Variants in SCN2B observed in about 807,000 individuals in gnomAD.
SCN2B encodes sodium channel regulatory subunit beta-2.
In SCN2B, 14 loss-of-function variants were observed where a neutral mutation model predicts 18.2. That is an observed-to-expected ratio of 0.77 (90% CI 0.51 to 1.21). The LOEUF (loss-of-function observed/expected upper bound fraction) is 1.21. Ranked by LOEUF, SCN2B falls within the 50% of genes most tolerant of loss-of-function variation. SCN2B has a pLI of 0.00. For synonymous variants in SCN2B, 115 were observed against 115.3 expected, an observed-to-expected ratio of 1.00 and a Z score of 0.02; for missense variants, 262 against 286.9, an observed-to-expected ratio of 0.91 and a Z score of 0.63.
At chr11:118,167,377 GA>G (rs1279709986) in intron 3 of SCN2B, among the ~76,000 whole-genome samples, 5 of 152,176 alleles carry the variant, frequency 3.3e-5, no homozygotes, top group African/African-American at 1.2e-4. Flanking sequence ...CGAATTGCGT[GA>G]CCTTAAGTAA....
In SCN2B at chr11:118,176,544, C is replaced by A; in HGVS notation, c.-113G>T. ...TAAAAAAAAATGCACGGATGTACTT[C>A]AAAGACATATACAACATTAAGGAAG... On this transcript the variant is annotated 5_prime_UTR_variant, in exon 1 of 4. Coordinates refer to ENST00000278947, the MANE Select transcript of SCN2B (RefSeq NM_004588.5). The A allele has an allele frequency of 1.3e-6, 1 of 774,830 alleles. No individual in the cohort carries two copies. The highest frequency in any genetic ancestry group is 2.3e-6 in the Non-Finnish European group (1 of 430,924). The allele number at this position is 774,830 out of a possible 1,614,324, so 48.0% of individuals were successfully genotyped here.
At chr11:118,170,879 G>C (rs943880371) in intron 1 of SCN2B, among the ~76,000 whole-genome samples, 1 of 152,220 alleles carries the variant, frequency 6.6e-6, no homozygotes, top group Admixed American at 6.5e-5. Context: ...CCTGGCCTGA[G>C]GGCACCTTGG....
intron 1 of SCN2B, among the ~76,000 whole-genome samples, chr11:118,173,075 G>A (rs536806310): frequency 8.6e-5 from 13 of 152,000 alleles, no homozygotes; most frequent in African/African-American, 2.9e-4. Flanking sequence ...GCAGCCAGGA[G>A]CAACCCACCC....
rs2135516231 is a variant in SCN2B at position 118,164,747 on chromosome 11, T to C, written c.*2140A>G. ...ACAGTGCCAACCTGGCAGTCCCCAG[T>C]GCTTATGGCTTTGTGTATATCCCCA... On this transcript the variant is annotated 3_prime_UTR_variant, in exon 4 of 4. Coordinates refer to ENST00000278947, the MANE Select transcript of SCN2B (RefSeq NM_004588.5). 1 of 152,832 alleles carries C rather than the reference T, an allele frequency of 6.5e-6. No individual in the cohort carries two copies. Among genetic ancestry groups the C allele is most frequent in the Middle Eastern group, 3.4e-3 (1 of 294 alleles). The allele number at this position is 152,832 out of a possible 1,614,324, so 9.5% of individuals were successfully genotyped here.
In SCN2B at chr11:118,168,748, G is replaced by C. The variant is rs1221815759; in HGVS notation, c.74C>G (p.Pro25Arg). 6.2e-7 allele frequency: 1 copy of C among 1,614,184 alleles called. No individual in the cohort carries two copies. The highest frequency in any genetic ancestry group is 1.1e-5 in the South Asian group (1 of 91,084). The change falls in exon 2 of 4, where the codon CCA becomes CGA. Residue 25 changes from proline to arginine, a missense_variant. Coordinates refer to ENST00000278947, the MANE Select transcript of SCN2B (RefSeq NM_004588.5). The surrounding 1 kb of genome is among the most constrained non-coding windows in gnomAD (Gnocchi z 4.7). The stretch of plus-strand genomic sequence containing the variant: ...TGTGACCTCCATGCTCCGTCCTGGT[G>C]GCACTGCAGATGAAGCCACAAGCTG... ...TGLSLFFSLV[P>R]PGRSMEVTVP...
Position 118,168,390 on chromosome 11 carries a change from G to T in SCN2B, c.238-95C>A. On this transcript the variant is annotated intron_variant, in intron 2 of 3. Coordinates refer to ENST00000278947, the MANE Select transcript of SCN2B (RefSeq NM_004588.5). The surrounding 1 kb of genome is among the most constrained non-coding windows in gnomAD (Gnocchi z 4.7). ...CCCTCTTCCCATCCACCCTTTTCCT[G>T]GGGAAGAGAGGCAGTTACCTCTGTG... is the stretch of plus-strand genomic sequence containing the variant. 7.6e-7 allele frequency: 1 copy of T among 1,322,958 alleles called. No homozygotes were observed. Among genetic ancestry groups the T allele is most frequent in the Non-Finnish European group, 1.1e-6 (1 of 917,766 alleles). The allele number at this position is 1,322,958 out of a possible 1,614,324, so 82.0% of individuals were successfully genotyped here. A position where few individuals can be genotyped will look rare whatever the true frequency, so the allele number is the denominator to read the frequency against.
Position 118,176,505 on chromosome 11 carries a change from G to GGATGCTAC in SCN2B, c.-75_-74insGTAGCATC. On this transcript the variant is annotated 5_prime_UTR_variant, in exon 1 of 4. An upstream open reading frame in the 5' UTR gains an earlier in-frame stop. Transcript: ENST00000278947. Reference sequence around the variant, plus strand: ...TGAGGGGGCGAGAACTACAAGGGAGGAATGGTTGGATGCTAAAAAAAAATG... The same window carrying GGATGCTAC: ...TGAGGGGGCGAGAACTACAAGGGAGGGATGCTACAATGGTTGGATGCTAAAAAAAAATG... 2 of 1,087,322 alleles carry GGATGCTAC rather than the reference G, an allele frequency of 1.8e-6. No homozygotes were observed. Among genetic ancestry groups the GGATGCTAC allele is most frequent in the South Asian group, 2.5e-5 (2 of 80,266 alleles). 67.4% of individuals were successfully genotyped at this position (1,087,322 alleles called of 1,614,324 possible).
At chr11:118,173,018 C>G (rs748809510) in intron 1 of SCN2B, among the ~76,000 whole-genome samples, 10 of 152,046 alleles carry the variant, frequency 6.6e-5, no homozygotes, top group Non-Finnish European at 1.5e-4. Flanking sequence ...CCAGACCCTT[C>G]CTGCTCAAGG....
rs1035676792 is a variant in SCN2B, at chr11:118,164,283, G to C, written c.*2604C>G. 5.2e-5 allele frequency: 8 copies of C among 152,656 alleles called. No individual in the cohort carries two copies. Among genetic ancestry groups the C allele is most frequent in the African/African-American group, 1.9e-4 (8 of 41,458 alleles). 9.5% of individuals were successfully genotyped at this position (152,656 alleles called of 1,614,324 possible). A position where few individuals can be genotyped will look rare whatever the true frequency, so the allele number is the denominator to read the frequency against. Reference sequence around the variant, plus strand: ...AAGGGTGACCAAAAAAATGAAATCTGCAAGCTGCAGAAATGTATACAACCA... The same window carrying C: ...AAGGGTGACCAAAAAAATGAAATCTCCAAGCTGCAGAAATGTATACAACCA... On this transcript the variant is annotated 3_prime_UTR_variant, in exon 4 of 4. Coordinates refer to ENST00000278947, the MANE Select transcript of SCN2B (RefSeq NM_004588.5).
chr11:118,166,226 C>T lies in SCN2B; in HGVS notation c.*661G>A, dbSNP rs868129612. ...ACAGTCCTAAGGGATTAGGAGCCAA[C>T]GGGAGCCCCAAGGAGGCCACTAGCA... On this transcript the variant is annotated 3_prime_UTR_variant, in exon 4 of 4. Coordinates refer to ENST00000278947, the MANE Select transcript of SCN2B (RefSeq NM_004588.5). 4 of 159,372 alleles carry T rather than the reference C, an allele frequency of 2.5e-5. No individual in the cohort carries two copies. The highest frequency in any genetic ancestry group is 5.5e-5 in the Non-Finnish European group (4 of 72,230). The allele number at this position is 159,372 out of a possible 1,614,324, so 9.9% of individuals were successfully genotyped here. A position where few individuals can be genotyped will look rare whatever the true frequency, so the allele number is the denominator to read the frequency against.
At position 118,166,578 on chromosome 11, in the gene SCN2B, C is replaced by T; in HGVS notation, c.*309G>A. ...CGGCCCCCTCCTCTACCCCTGCCCA[C>T]CCACTCCCTTCTCTCTGGGGACCCT... On this transcript the variant is annotated 3_prime_UTR_variant, in exon 4 of 4. Transcript: ENST00000278947. 2.2e-6 allele frequency: 1 copy of T among 450,594 alleles called. No homozygotes were observed. 27.9% of individuals were successfully genotyped at this position (450,594 alleles called of 1,614,324 possible).
chr11:118,169,275 C>A (rs1948411619), intron 1 of SCN2B, among the ~76,000 whole-genome samples: 1 of 152,188 alleles, frequency 6.6e-6, no homozygotes, highest in Non-Finnish European at 1.5e-5. Flanking sequence ...TGTTAGGCAC[C>A]CCTGCCCCCA....
At chr11:118,174,095 T>TGTTTTTTG (rs56848852) in intron 1 of SCN2B, among the ~76,000 whole-genome samples, 3 of 117,906 alleles carry the variant, frequency 2.5e-5, no homozygotes, top group African/African-American at 1.1e-4. Flanking sequence ...TCTTTTCTTT[T>TGTTTTTTG]TTTTTTTTTT....
At chr11:118,170,819 TC>T (rs1948425435) in intron 1 of SCN2B, among the ~76,000 whole-genome samples, 1 of 152,162 alleles carries the variant, frequency 6.6e-6, no homozygotes, top group African/African-American at 2.4e-5. Flanking sequence ...TCCTCAATTC[TC>T]CCCAAGTTCT....
rs1369222753 is a variant in SCN2B at position 118,164,024 on chromosome 11, C to T, written c.*2863G>A. ...GAGATGGTTCCTGACCCAGCCCCATCTGCTGGGGCCCTGAGGCCCGTGAAG... is the reference window on the plus strand; with the variant it reads ...GAGATGGTTCCTGACCCAGCCCCATTTGCTGGGGCCCTGAGGCCCGTGAAG... On this transcript the variant is annotated 3_prime_UTR_variant, in exon 4 of 4. Transcript: ENST00000278947. 1 of 152,166 alleles carries T rather than the reference C, an allele frequency of 6.6e-6. No individual in the cohort carries two copies. Among genetic ancestry groups the T allele is most frequent in the African/African-American group, 2.4e-5 (1 of 41,438 alleles). 9.4% of individuals were successfully genotyped at this position (152,166 alleles called of 1,614,324 possible). A position where few individuals can be genotyped will look rare whatever the true frequency, so the allele number is the denominator to read the frequency against.
At position 118,162,884 on chromosome 11, in the gene SCN2B, A is replaced by C. The variant is rs757138525; in HGVS notation, c.*4003T>G. 1 of 152,428 alleles carries C rather than the reference A, an allele frequency of 6.6e-6. No individual in the cohort carries two copies. Among genetic ancestry groups the C allele is most frequent in the Non-Finnish European group, 1.5e-5 (1 of 68,048 alleles). The allele number at this position is 152,428 out of a possible 1,614,324, so 9.4% of individuals were successfully genotyped here. ...TGCAAAAGAAACTCAGTCTGCTCCCAAAAGCAGATACATCCCAGCAGTCGA... is the reference window on the plus strand; with the variant it reads ...TGCAAAAGAAACTCAGTCTGCTCCCCAAAGCAGATACATCCCAGCAGTCGA... On this transcript the variant is annotated 3_prime_UTR_variant, in exon 4 of 4. Transcript: ENST00000278947.
rs938796156 is a variant in SCN2B, at chr11:118,164,427, T to C, written c.*2460A>G. 6.5e-6 allele frequency: 1 copy of C among 152,702 alleles called. No homozygotes were observed. Among genetic ancestry groups the C allele is most frequent in the Admixed American group, 6.5e-5 (1 of 15,292 alleles). 9.5% of individuals were successfully genotyped at this position (152,702 alleles called of 1,614,324 possible). Reference sequence around the variant, plus strand: ...ATCCTGGCGGCTTAGCCCACCCGCATTGGCAGTGTGTTGATTGGCAGTTAG... The same window carrying C: ...ATCCTGGCGGCTTAGCCCACCCGCACTGGCAGTGTGTTGATTGGCAGTTAG... On this transcript the variant is annotated 3_prime_UTR_variant, in exon 4 of 4. Transcript: ENST00000278947.
rs1948400468 is a variant in SCN2B at position 118,168,148 on chromosome 11, T to C, written c.385A>G (p.Ile129Val). 6.2e-7 allele frequency: 1 copy of C among 1,614,178 alleles called. No homozygotes were observed. The highest frequency in any genetic ancestry group is 8.5e-7 in the Non-Finnish European group (1 of 1,180,024). ...CGGTGGCGGTCAGGGGGGTTCATGATGTAGCAGTTGTAAATCCCCTCATCC... is the reference window on the plus strand; with the variant it reads ...CGGTGGCGGTCAGGGGGGTTCATGACGTAGCAGTTGTAAATCCCCTCATCC... ...PEDEGIYNCY[I>V]MNPPDRHRGH... The change falls in exon 3 of 4, where the codon ATC becomes GTC. Residue 129 changes from isoleucine to valine, a missense_variant. Transcript: ENST00000278947. The surrounding 1 kb of genome is among the most constrained non-coding windows in gnomAD (Gnocchi z 4.7).
At position 118,171,321 on chromosome 11, in the gene SCN2B, A is replaced by G. The variant is rs576779593; in HGVS notation, c.71-2570T>C. On this transcript the variant is annotated intron_variant, in intron 1 of 3. Coordinates refer to ENST00000278947, the MANE Select transcript of SCN2B (RefSeq NM_004588.5). ...AACAAAGCCCAATTCCATCTCCTGT[A>G]CTTTCATCGCCGTTCTGAAAGCATC... 1.6e-4 allele frequency among the ~76,000 whole-genome samples: 24 copies of G among 152,314 alleles called. No homozygotes were observed. The South Asian group carries it at 4.6e-3, about 29-fold the overall frequency.
Sources: allele counts gnomAD v4.1 joint callset (sites outside exome capture counted in the v4.1 genomes callset), GRCh38; gene constraint gnomAD v4.1.1; non-coding constraint Gnocchi (gnomAD v3.1); transcripts MANE v1.5; gene names NCBI Gene and HGNC (gene_info 2026-07-23, HGNC 2026-07-21).